Variants in USP32 observed in about 807,000 individuals in gnomAD.
The protein encoded by USP32 is ubiquitin carboxyl-terminal hydrolase 32.
A neutral mutation model predicts 204.8 loss-of-function variants in USP32; 59 were observed. The ratio of observed to expected loss-of-function variants is 0.29; its 90% confidence interval spans 0.23 to 0.36. The LOEUF (loss-of-function observed/expected upper bound fraction) is 0.36, where lower values mean the gene tolerates loss of function less well. USP32 is among the 10% of genes least tolerant of loss of function. USP32 has a pLI of 1.00. For missense variants in USP32, 1,160 were observed against 1,946.4 expected (o/e 0.60, Z 7.60); for synonymous variants, 517 against 678.4 (o/e 0.76, Z 3.70).
At chr17:60,243,053 T>G (rs1369844428) in intron 11 of USP32, among the ~76,000 whole-genome samples, 1 of 152,268 alleles carries the variant, frequency 6.6e-6, no homozygotes, top group African/African-American at 2.4e-5. Context: ...TATCTTTCAG[T>G]GCACAAGTCT....
At chr17:60,234,095 G>A (rs1381781685) in intron 12 of USP32, among the ~76,000 whole-genome samples, 1 of 151,312 alleles carries the variant, frequency 6.6e-6, no homozygotes, top group African/African-American at 2.4e-5. Flanking sequence ...GACTACAGGC[G>A]CACACTACCA....
At chr17:60,269,419 G>C (rs775020407) in intron 7 of USP32, 31 bp downstream of exon 7, 1 of 1,533,622 alleles carries the variant, frequency 6.5e-7, no homozygotes, top group Non-Finnish European at 9.0e-7. Flanking sequence ...TACATAGTTT[G>C]CAATTTTTTG....
At chr17:60,256,741 T>C (rs1026309280) in intron 9 of USP32, 4 of 1,170,882 alleles carry the variant, frequency 3.4e-6, no homozygotes, top group Non-Finnish European at 4.3e-6. Context: ...CTTCAAAGGC[T>C]ATGTAAGATC....
At chr17:60,312,794 T>C (rs2087886142) in intron 2 of USP32, among the ~76,000 whole-genome samples, 1 of 152,214 alleles carries the variant, frequency 6.6e-6, no homozygotes, top group African/African-American at 2.4e-5. Flanking sequence ...ATGACAAAGA[T>C]GAAACATGAA....
intron 7 of USP32, 49 bp from the exon 8 acceptor site, chr17:60,266,140 G>T (rs767151846): frequency 6.9e-7 from 1 of 1,439,608 alleles, no homozygotes; most frequent in East Asian, 2.3e-5. Flanking sequence ...GTATTCTGAG[G>T]TATAATATAT....
At chr17:60,199,180 T>G (rs1394419509) in intron 26 of USP32, among the ~76,000 whole-genome samples, 1 of 152,118 alleles carries the variant, frequency 6.6e-6, no homozygotes, top group Non-Finnish European at 1.5e-5. Context: ...AACTATAGTT[T>G]TCTAGGGATA....
intron 2 of USP32, among the ~76,000 whole-genome samples, chr17:60,321,064 C>T (rs889534540): frequency 6.6e-6 from 1 of 152,034 alleles, no homozygotes; most frequent in Non-Finnish European, 1.5e-5. Context: ...AACTCTCTAA[C>T]CAGAGGACTG....
chr17:60,205,056 G>C (rs908347836), intron 26 of USP32, among the ~76,000 whole-genome samples: 3 of 151,586 alleles, frequency 2.0e-5, no homozygotes, highest in African/African-American at 7.3e-5. Flanking sequence ...GCCTCCCAAA[G>C]TGTTGGGATT....
rs559226615 is a variant in USP32, at chr17:60,287,065, G to A, written c.571+1458C>T. Among the ~76,000 whole-genome samples the A allele has an allele frequency of 7.9e-5, 12 of 152,192 alleles. No homozygotes were observed. The South Asian group carries it at 2.1e-3, about 26-fold the overall frequency. ...CTCAGGAGGCTGAGGCAGAAGAATC[G>A]CTTGAACCTGGGAGGTGGAGGTTGC... On this transcript the variant is annotated intron_variant, in intron 5 of 33. Coordinates refer to ENST00000300896, the MANE Select transcript of USP32 (RefSeq NM_032582.4).
intron 11 of USP32, among the ~76,000 whole-genome samples, chr17:60,244,193 G>A (rs180978146): frequency 1.3e-5 from 2 of 151,320 alleles, no homozygotes; most frequent in African/African-American, 2.4e-5. Context: ...CCACCACCAC[G>A]CCCAGCTAAT....
chr17:60,318,836 T>TA (rs1387081341), intron 2 of USP32, among the ~76,000 whole-genome samples: 11 of 152,322 alleles, frequency 7.2e-5, no homozygotes, highest in Admixed American at 7.2e-4. Flanking sequence ...AGAGAAATGT[T>TA]AGAGAAGGAT....
chr17:60,376,278 T>C (rs2089539504), intron 1 of USP32, among the ~76,000 whole-genome samples: 1 of 151,666 alleles, frequency 6.6e-6, no homozygotes, highest in Admixed American at 6.6e-5. Flanking sequence ...CAATATATAT[T>C]TTATGAAAAG....
At chr17:60,373,507 G>GA (rs2089483811) in intron 1 of USP32, among the ~76,000 whole-genome samples, 1 of 147,364 alleles carries the variant, frequency 6.8e-6, no homozygotes, top group African/African-American at 2.6e-5. Context: ...GCAGTGGCAC[G>GA]ATCTTGGCTC....
chr17:60,277,900 ATAACT>A (rs1174225142), intron 5 of USP32, among the ~76,000 whole-genome samples: 2 of 151,416 alleles, frequency 1.3e-5, no homozygotes, highest in Non-Finnish European at 2.9e-5. Flanking sequence ...TATTAAAAAA[ATAACT>A]TAATAATAGT....
At chr17:60,367,519 A>C (rs1404823445) in intron 1 of USP32, among the ~76,000 whole-genome samples, 1 of 152,038 alleles carries the variant, frequency 6.6e-6, no homozygotes, top group East Asian at 1.9e-4. Context: ...AGAAAGAAAG[A>C]AAATATTCAG....
chr17:60,279,769 G>A (rs1264696464), intron 5 of USP32, among the ~76,000 whole-genome samples: 3 of 150,318 alleles, frequency 2.0e-5, no homozygotes, highest in Admixed American at 6.6e-5. Context: ...CCTAGGAGGC[G>A]GAGGTTGCAA....
intron 5 of USP32, among the ~76,000 whole-genome samples, chr17:60,277,741 A>G (rs1434088162): frequency 6.6e-6 from 1 of 152,202 alleles, no homozygotes; most frequent in Non-Finnish European, 1.5e-5. Context: ...CTACCATTCA[A>G]AGAAATCACT....
At chr17:60,396,069 CTTTTTTTTT>C (rs936063243), upstream of USP32, among the ~76,000 whole-genome samples, 5 of 74,920 alleles carry the variant, frequency 6.7e-5, no homozygotes, top group East Asian at 1.6e-3. Flanking sequence ...GCACTTGAAG[CTTTTTTTTT>C]TTTTTTTTTT....
chr17:60,272,965 T>C (rs560311277), intron 5 of USP32, among the ~76,000 whole-genome samples: 4 of 151,922 alleles, frequency 2.6e-5, no homozygotes, highest in Non-Finnish European at 4.4e-5. Context: ...GCCGGGAAAT[T>C]TGTTTTGTTT....
Sources: gnomAD v4.1 joint callset for allele counts (sites outside exome capture counted in the v4.1 genomes callset) on GRCh38, gnomAD v4.1.1 for gene constraint, MANE v1.5 for transcripts, NCBI Gene and HGNC (gene_info 2026-07-23, HGNC 2026-07-21) for gene names.